The following DNAH17 variants were observed in gnomAD, a reference collection of about 807,000 sequenced individuals.
The protein encoded by DNAH17 is axonemal beta dynein heavy chain 17.
DNAH17 carries 376 observed loss-of-function variants against 485.6 expected under a neutral mutation model. The observed-to-expected ratio is 0.77, with a 90% CI of 0.71 to 0.84. The LOEUF is 0.84. DNAH17 is among the 40% of genes least tolerant of loss of function. The pLI is 0.00. For missense variants in DNAH17, 6,370 were observed against 5,839.3 expected (o/e 1.09, Z -2.96); for synonymous variants, 3,031 against 2,405.9 (o/e 1.26, Z -7.60).
chr17:78,523,124 G>A (rs1598636763), intron 25 of DNAH17, among the ~76,000 whole-genome samples: 1 of 152,100 alleles, frequency 6.6e-6, no homozygotes, highest in East Asian at 1.9e-4. Flanking sequence ...CCAAAGTGCT[G>A]GGATTATAGG....
chr17:78,432,815 G>C (rs1356749489), intron 75 of DNAH17, among the ~76,000 whole-genome samples: 3 of 152,040 alleles, frequency 2.0e-5, no homozygotes, highest in African/African-American at 7.2e-5. Context: ...CAGGCCCTGA[G>C]GTGGAGGCCC....
rs1170879716 is a variant in DNAH17, at chr17:78,475,334, C to T, written c.8455G>A (p.Gly2819Arg). 1.2e-5 allele frequency: 20 copies of T among 1,614,008 alleles called. No homozygotes were observed. The highest frequency in any genetic ancestry group is 1.7e-5 in the Admixed American group (1 of 60,018). The change falls in exon 54 of 81, where the codon GGG (glycine) becomes AGG (arginine). Residue 2819 changes from glycine to arginine, a missense_variant. Gly to Arg is a moderately radical substitution (Grantham distance 125). Coordinates refer to ENST00000389840, the MANE Select transcript of DNAH17 (RefSeq NM_173628.4). The part of the protein sequence containing the change: ...SLSRLAAYIS[G>R]LDVFQITLKK... ...AGGGTGATCTGAAACACGTCAAGCC[C>T]GCTGATGTACGCTGCCAGGCGGGAG... is the stretch of plus-strand genomic sequence containing the variant.
intron 79 of DNAH17, 146 bp downstream of exon 79, chr17:78,426,311 G>A: frequency 9.8e-7 from 1 of 1,016,296 alleles, no homozygotes; most frequent in Non-Finnish European, 1.4e-6. Context: ...GCATGGGCTA[G>A]GCCCTTCTGG....
At chr17:78,560,679 T>TG (rs775992180) in intron 13 of DNAH17, 61 bp downstream of exon 13, 386 of 1,479,410 alleles carry the variant, frequency 2.6e-4, no homozygotes, top group Non-Finnish European at 3.3e-4. Flanking sequence ...GAGGGAACCT[T>TG]GGCAGGCCCT....
intron 19 of DNAH17, chr17:78,533,083 C>A (rs2091284035): frequency 4.7e-6 from 1 of 214,404 alleles, no homozygotes; most frequent in Non-Finnish European, 9.4e-6. Flanking sequence ...GAAATAGGAA[C>A]CTTTGCCGAT....
intron 13 of DNAH17, among the ~76,000 whole-genome samples, chr17:78,558,712 T>C (rs1248419413): frequency 1.3e-5 from 2 of 152,246 alleles, no homozygotes; most frequent in Non-Finnish European, 2.9e-5. Flanking sequence ...CACAAGTGGT[T>C]TGGAGTAAGA....
intron 56 of DNAH17, 126 bp downstream of exon 56, chr17:78,466,529 C>T: frequency 1.2e-6 from 1 of 823,310 alleles, no homozygotes; most frequent in East Asian, 3.3e-5. Context: ...AAACGTTGAG[C>T]CCAAGGCGGA....
intron 52 of DNAH17, 136 bp downstream of exon 52, chr17:78,476,436 C>T (rs955527961): frequency 7.7e-6 from 8 of 1,044,778 alleles, no homozygotes; most frequent in African/African-American, 3.3e-5. Flanking sequence ...GGAATGATCG[C>T]GTGGAACCTA....
intron 51 of DNAH17, among the ~76,000 whole-genome samples, chr17:78,478,192 C>T (rs1188295605): frequency 1.4e-5 from 2 of 148,120 alleles, no homozygotes; most frequent in South Asian, 4.3e-4. Flanking sequence ...ACCATTATCA[C>T]CATCATATCA....
intron 44 of DNAH17, among the ~76,000 whole-genome samples, chr17:78,487,000 T>C (rs1381143052): frequency 1.4e-5 from 2 of 138,428 alleles, no homozygotes; most frequent in Non-Finnish European, 3.2e-5. Flanking sequence ...TTTTTTTTTT[T>C]TTTTTTTAAG....
chr17:78,529,226 T>C (rs2091161271), intron 22 of DNAH17, among the ~76,000 whole-genome samples: 1 of 151,968 alleles, frequency 6.6e-6, no homozygotes, highest in South Asian at 2.1e-4. Context: ...AATGAAGACA[T>C]TTTTAATCCA....
chr17:78,532,153 C>G (rs1033209359), intron 20 of DNAH17, among the ~76,000 whole-genome samples: 7 of 152,308 alleles, frequency 4.6e-5, no homozygotes, highest in African/African-American at 1.7e-4. Context: ...TTCAAACTTG[C>G]CAACCCTAAG....
At chr17:78,528,207 C>T (rs969090599) in intron 22 of DNAH17, among the ~76,000 whole-genome samples, 2 of 152,156 alleles carry the variant, frequency 1.3e-5, no homozygotes, top group African/African-American at 2.4e-5. Context: ...CCAGTTGCCT[C>T]GTGTGTGGCT....
Position 78,492,649 on chromosome 17 carries a change from G to T in DNAH17, c.6525C>A (p.Thr2175=). ...DELFGIINPV[T]REWKDGLFST... The stretch of plus-strand genomic sequence containing the variant: ...CCTCGTTACCATCTTTCCATTCCCT[G>T]GTCACTGGGTTGATGATGCCAAAGA... Residue 2175 remains threonine (T), a synonymous_variant, in exon 42 of 81, where the codon ACC becomes ACA. Coordinates refer to ENST00000389840, the MANE Select transcript of DNAH17 (RefSeq NM_173628.4). 6.2e-7 allele frequency: 1 copy of T among 1,613,706 alleles called. No homozygotes were observed. The highest frequency in any genetic ancestry group is 1.1e-5 in the South Asian group (1 of 91,062).
At chr17:78,454,951 C>A (rs921010309) in intron 63 of DNAH17, among the ~76,000 whole-genome samples, 9 of 152,120 alleles carry the variant, frequency 5.9e-5, no homozygotes, top group African/African-American at 1.9e-4. Context: ...ACTCTGTCAC[C>A]CAGGCTGGAG....
In DNAH17 at chr17:78,501,869, C is replaced by T. The variant is rs1344531387; in HGVS notation, c.5195G>A (p.Ser1732Asn). 5.6e-6 allele frequency: 9 copies of T among 1,614,020 alleles called. No homozygotes were observed. The highest frequency in any genetic ancestry group is 6.8e-6 in the Non-Finnish European group (8 of 1,179,892). Reference sequence around the variant, plus strand: ...CAGCGTGATGAGTACGTTCAGCTGGCTAATCTGCGGGGGAGAGTGCCTTCG... The same window carrying T: ...CAGCGTGATGAGTACGTTCAGCTGGTTAATCTGCGGGGGAGAGTGCCTTCG... ...AIRDYNKKQI[S>N]QLNVLITLLM... is the part of the protein sequence containing the mutation. The change falls in exon 34 of 81, where the codon AGC (serine) becomes AAC (asparagine). Residue 1732 changes from serine to asparagine, a missense_variant. Ser to Asn is a conservative substitution (Grantham distance 46). Transcript: ENST00000389840.
At chr17:78,552,310 T>G (rs2091919999) in intron 15 of DNAH17, among the ~76,000 whole-genome samples, 1 of 152,190 alleles carries the variant, frequency 6.6e-6, no homozygotes, top group Non-Finnish European at 1.5e-5. Flanking sequence ...TGACTACACT[T>G]CTTCCTACTT....
At chr17:78,488,150 C>T (rs188862603) in intron 44 of DNAH17, among the ~76,000 whole-genome samples, 114 of 152,270 alleles carry the variant, frequency 7.5e-4, no homozygotes, top group South Asian at 2.5e-3. Flanking sequence ...TCACTGAGTG[C>T]GGGTCGGTGT....
At chr17:78,574,521 A>G (rs1019666661) in intron 2 of DNAH17, among the ~76,000 whole-genome samples, 192 bp downstream of exon 2, 8 of 151,874 alleles carry the variant, frequency 5.3e-5, no homozygotes, top group Admixed American at 4.6e-4. Context: ...AAAAAAATTT[A>G]AAAACCAAAA....
Sources: allele counts gnomAD v4.1 joint callset (sites outside exome capture counted in the v4.1 genomes callset), GRCh38; gene constraint gnomAD v4.1.1; transcripts MANE v1.5; gene names NCBI Gene and HGNC (gene_info 2026-07-23, HGNC 2026-07-21).